LRP1: variants seen among roughly 807,000 people sequenced by gnomAD.
LRP1 encodes the protein LDL receptor related protein 1.
LRP1 carries 51 observed loss-of-function variants against 541.5 expected under a neutral mutation model. The observed-to-expected ratio is 0.09, with a 90% confidence interval of 0.08 to 0.12. LRP1 has a LOEUF of 0.12. LRP1 is among the 10% of genes least tolerant of loss of function. The probability of loss-of-function intolerance (pLI) is 1.00; values close to 1 mark genes in which losing one functional copy is unlikely to be tolerated. For synonymous variants in LRP1, 2,219 were observed against 2,470.8 expected, an observed-to-expected ratio of 0.90 and a Z score of 3.02; for missense variants, 3,878 against 6,376.2, an observed-to-expected ratio of 0.61 and a Z score of 13.34.
At chr12:57,187,982 C>T (rs777463235) in intron 42 of LRP1, among the ~76,000 whole-genome samples, 16 of 152,140 alleles carry the variant, frequency 1.1e-4, no homozygotes, top group Non-Finnish European at 1.5e-4. Flanking sequence ...AAGGCCAGCT[C>T]GGACAGGGGA....
At chr12:57,170,512 T>G (rs2035924111) in intron 20 of LRP1, among the ~76,000 whole-genome samples, 1 of 150,200 alleles carries the variant, frequency 6.7e-6, no homozygotes, top group South Asian at 2.1e-4. Context: ...GAACCCATCT[T>G]GAAAAAAGAA....
At chr12:57,195,490 G>A in intron 52 of LRP1, 91 bp downstream of exon 52, 1 of 1,578,004 alleles carries the variant, frequency 6.3e-7, no homozygotes. Flanking sequence ...GAGAGGAAAT[G>A]CCTCAGCGGG....
At chr12:57,129,440 T>TGGG (rs368314678) in intron 1 of LRP1, among the ~76,000 whole-genome samples, 12 of 148,158 alleles carry the variant, frequency 8.1e-5, no homozygotes, top group African/African-American at 3.0e-4. Flanking sequence ...GGGGTGGGGG[T>TGGG]GGGGGGGGTG....
At position 57,208,790 on chromosome 12, in the gene LRP1, G is replaced by A; in HGVS notation, c.12118G>A (p.Val4040Met). The A allele has an allele frequency of 6.2e-7, 1 of 1,614,098 alleles. No individual in the cohort carries two copies. The highest frequency in any genetic ancestry group is 8.5e-7 in the Non-Finnish European group (1 of 1,180,004). The change falls in exon 78 of 89, where the codon GTG (valine) becomes ATG (methionine). Residue 4040 changes from valine (V) to methionine (M), a missense_variant. Val to Met is a conservative substitution (Grantham distance 21, BLOSUM62 1). Transcript: ENST00000243077. ...AMDGTLRETL[V>M]QDNIQWPTGL... ...GGATGGGACGCTTCGGGAGACACTG[G>A]TGCAGGACAACATTCAGTGGCCCAC...
chr12:57,207,242 C>CTAAATAAA (rs60649994), intron 76 of LRP1, among the ~76,000 whole-genome samples: 3,740 of 134,478 alleles, frequency 0.028, 73 homozygotes, highest in South Asian at 0.053. Context: ...GACTCGGTCT[C>CTAAATAAA]TAAATAAATA....
chr12:57,176,162 G>A, intron 24 of LRP1, 56 bp downstream of exon 24: 3 of 1,572,632 alleles, frequency 1.9e-6, no homozygotes, highest in South Asian at 2.2e-5. Flanking sequence ...TCAGGCGCTA[G>A]GGGCCACAGG....
chr12:57,210,176 T>C lies in LRP1; in HGVS notation c.12580+7T>C. On this transcript the variant is annotated splice_region_variant and intron_variant, in intron 81 of 88. Transcript: ENST00000243077. The stretch of plus-strand genomic sequence containing the variant: ...CCAACGCCCCCCCCAGATGGTATGC[T>C]TATGCCCTCCCAGTCCCAGCCATGC... 1 of 1,588,216 alleles carries C rather than the reference T, an allele frequency of 6.3e-7. No individual in the cohort carries two copies.
At chr12:57,144,907 T>C in intron 4 of LRP1, 65 bp from the exon 5 acceptor site, 1 of 1,511,044 alleles carries the variant, frequency 6.6e-7, no homozygotes, top group Non-Finnish European at 9.2e-7. Context: ...TCATGTCTGA[T>C]GATCACCCAC....
chr12:57,149,609 C>T (rs562609307), intron 6 of LRP1: 5 of 703,820 alleles, frequency 7.1e-6, no homozygotes, highest in Admixed American at 4.0e-5. Flanking sequence ...GGATCTAGGT[C>T]GAAATGCCTC....
chr12:57,156,873 G>T lies in LRP1; in HGVS notation c.1514G>T (p.Arg505Leu), dbSNP rs780842387. Residue 505 changes from arginine (R) to leucine (L), a missense_variant, in exon 10 of 89, where the codon CGC becomes CTC. This residue lies in a region of LRP1 where 496 missense variants were observed against 861.0 expected (regional missense o/e 0.58). Coordinates refer to ENST00000243077, the MANE Select transcript of LRP1 (RefSeq NM_002332.3). The surrounding 1 kb of genome is among the most constrained non-coding windows in gnomAD (Gnocchi z 5.2). ...LANSHKARTC[R>L]CRSGFSLGSD... is the part of the protein sequence containing the mutation. ...AACAGCCACAAGGCGCGGACCTGCCGCTGCCGTTCCGGCTTCAGCCTGGGC... is the reference window on the plus strand; with the variant it reads ...AACAGCCACAAGGCGCGGACCTGCCTCTGCCGTTCCGGCTTCAGCCTGGGC... 6.3e-7 allele frequency: 1 copy of T among 1,597,650 alleles called. No individual in the cohort carries two copies. The highest frequency in any genetic ancestry group is 8.5e-7 in the Non-Finnish European group (1 of 1,172,472).
intron 11 of LRP1, 149 bp from the exon 12 acceptor site, chr12:57,159,676 C>T: frequency 4.5e-6 from 3 of 662,674 alleles, no homozygotes; most frequent in Non-Finnish European, 5.2e-6. Context: ...CTGTCCCTAC[C>T]CCCACCCATC....
Position 57,179,968 on chromosome 12 carries a change from G to T in LRP1, c.5141+12G>T. On this transcript the variant is annotated intron_variant, in intron 30 of 88. Coordinates refer to ENST00000243077, the MANE Select transcript of LRP1 (RefSeq NM_002332.3). The surrounding 1 kb of genome is among the most constrained non-coding windows in gnomAD (Gnocchi z 6.8). ...CACCCTCTGCGTGGGTCAGTCTAGGGCCCAGGGCCGGGGAGCATGGGGTGT... is the reference window on the plus strand; with the variant it reads ...CACCCTCTGCGTGGGTCAGTCTAGGTCCCAGGGCCGGGGAGCATGGGGTGT... The T allele has an allele frequency of 6.2e-7, 1 of 1,613,980 alleles. No homozygotes were observed. Among genetic ancestry groups the T allele is most frequent in the Non-Finnish European group, 8.5e-7 (1 of 1,179,948 alleles).
At position 57,166,000 on chromosome 12, in the gene LRP1, G is replaced by T. The variant is rs536673970; in HGVS notation, c.2671+55G>T. On this transcript the variant is annotated intron_variant, in intron 16 of 88. Transcript: ENST00000243077. The surrounding 1 kb of genome is among the most constrained non-coding windows in gnomAD (Gnocchi z 4.5). ...GGATGGCAGGCCTGCAGGGCAGCTC[G>T]GCTCTGGCAGTGCCTATACTGGAGC... 6.2e-7 allele frequency: 1 copy of T among 1,612,228 alleles called. No individual in the cohort carries two copies. The highest frequency in any genetic ancestry group is 8.5e-7 in the Non-Finnish European group (1 of 1,178,442).
At chr12:57,169,334 G>A in intron 20 of LRP1, 27 bp downstream of exon 20, 2 of 1,580,794 alleles carry the variant, frequency 1.3e-6, no homozygotes, top group East Asian at 2.3e-5. Context: ...CGTGGGGTGG[G>A]GATGAGATCG....
Position 57,187,333 on chromosome 12 carries a change from C to T in LRP1, c.6908C>T (p.Thr2303Met), listed in dbSNP as rs2036289592. ...GACACTCTCTATTGGACAAGCTACA[C>T]GACATCCACCATCACGCGCCACACA... The part of the protein sequence containing the change: ...GWDTLYWTSY[T>M]TSTITRHTVD... The change falls in exon 42 of 89, where the codon ACG becomes ATG. Residue 2303 changes from threonine (T) to methionine (M), a missense_variant. Physicochemically the swap from Thr to Met is moderately conservative, Grantham distance 81 (BLOSUM62 -1). Around this residue, in one of 13 missense-constraint regions of LRP1, gnomAD observed 1,100 missense variants for 1,827.4 expected, o/e 0.60. Coordinates refer to ENST00000243077, the MANE Select transcript of LRP1 (RefSeq NM_002332.3). 1 of 1,614,202 alleles carries T rather than the reference C, an allele frequency of 6.2e-7. No individual in the cohort carries two copies. Among genetic ancestry groups the T allele is most frequent in the Non-Finnish European group, 8.5e-7 (1 of 1,180,038 alleles).
chr12:57,201,010 A>G lies in LRP1; in HGVS notation c.10226-24A>G. ...GCCCCTGAGTCCTCCCTTCGCCACG[A>G]ATCACCTCCTCCTCCCTCCACAGAC... On this transcript the variant is annotated intron_variant, in intron 64 of 88. Transcript: ENST00000243077. The surrounding 1 kb of genome is among the most constrained non-coding windows in gnomAD (Gnocchi z 6.4). 6.2e-7 allele frequency: 1 copy of G among 1,613,872 alleles called. No homozygotes were observed. Among genetic ancestry groups the G allele is most frequent in the Non-Finnish European group, 8.5e-7 (1 of 1,179,940 alleles).
intron 63 of LRP1, 54 bp downstream of exon 63, chr12:57,200,589 C>T (rs1335120219): frequency 6.4e-7 from 1 of 1,572,450 alleles, no homozygotes; most frequent in African/African-American, 1.3e-5. Flanking sequence ...GGAGGCCTGA[C>T]TCCTGAGGCT....
rs746776592 is a variant in LRP1, at chr12:57,204,796, A to G, written c.11194+47A>G. ...GGCCTGCAGGGGACGGGTAGTGCAC[A>G]GTGGGGTGAGTCTGGTCCTCGTGGG... On this transcript the variant is annotated intron_variant, in intron 72 of 88. Coordinates refer to ENST00000243077, the MANE Select transcript of LRP1 (RefSeq NM_002332.3). The surrounding 1 kb of genome is among the most constrained non-coding windows in gnomAD (Gnocchi z 5.3). 9 of 1,606,308 alleles carry G rather than the reference A, an allele frequency of 5.6e-6. No individual in the cohort carries two copies. The highest frequency in any genetic ancestry group is 2.7e-5 in the African/African-American group (2 of 74,794).
rs769246737 is a variant in LRP1, at chr12:57,185,500, G to A, written c.6464-31G>A. ...CACCAGTGAGCCTTTCCCAAGGCAG[G>A]CCCTGCCCTCTGTACCCTCCCCTCC... is the stretch of plus-strand genomic sequence containing the variant. On this transcript the variant is annotated intron_variant, in intron 40 of 88. Coordinates refer to ENST00000243077, the MANE Select transcript of LRP1 (RefSeq NM_002332.3). This position sits in a 1 kb window ranked among gnomAD's most constrained non-coding sequence, Gnocchi z 4.9. 11 of 1,549,566 alleles carry A rather than the reference G, an allele frequency of 7.1e-6. No homozygotes were observed. Among genetic ancestry groups the A allele is most frequent in the South Asian group, 2.4e-5 (2 of 82,948 alleles).
Sources: gnomAD v4.1 joint callset for allele counts (sites outside exome capture counted in the v4.1 genomes callset) on GRCh38, gnomAD v4.1.1 for gene constraint, gnomAD v4.1.1 regional missense constraint, Gnocchi (gnomAD v3.1) non-coding constraint, MANE v1.5 for transcripts, NCBI Gene and HGNC (gene_info 2026-07-23, HGNC 2026-07-21) for gene names.